SUMF2: variants seen among roughly 807,000 people sequenced by gnomAD.
The protein encoded by SUMF2 is sulfatase modifying factor 2.
SUMF2 carries 45 observed loss-of-function variants against 44.8 expected under a neutral mutation model. The ratio of observed to expected loss-of-function variants is 1.00; its 90% CI spans 0.79 to 1.29. The LOEUF is 1.29. Among genes scored for constraint, SUMF2 ranks in the 50% most tolerant of loss-of-function variants. SUMF2 has a pLI of 0.00. For missense variants in SUMF2, 418 were observed against 389.9 expected (o/e 1.07, Z -0.61); for synonymous variants, 148 against 150.4 (o/e 0.98, Z 0.12).
intron 2 of SUMF2, among the ~76,000 whole-genome samples, chr7:56,070,604 T>C (rs577620168): frequency 4.6e-5 from 7 of 150,830 alleles, no homozygotes; most frequent in African/African-American, 1.7e-4. Flanking sequence ...CACTCCAGCC[T>C]GGGCAACAGA....
chr7:56,083,613 TG>T, downstream of SUMF2: 2 of 1,553,416 alleles, frequency 1.3e-6, no homozygotes, highest in African/African-American at 1.4e-5. Flanking sequence ...CTAAGCCACG[TG>T]GGAGGGAGCG....
At chr7:56,080,990 G>A, downstream of SUMF2, 14 of 1,587,248 alleles carry the variant, frequency 8.8e-6, no homozygotes, top group Non-Finnish European at 1.1e-5. Context: ...TCACCCCTTT[G>A]ACTTGTATTT....
chr7:56,087,270 G>A, the SUMF2 span, among the ~76,000 whole-genome samples: 15 of 151,076 alleles, frequency 9.9e-5, no homozygotes, highest in African/African-American at 3.6e-4. Context: ...CACCCAGGCT[G>A]GAGTGTAATA....
rs1307144762 is a variant in SUMF2, at chr7:56,078,450, G to T, written c.763G>T (p.Ala255Ser). ...GCAGGACATGCGCGTCCTCCGGGGG[G>T]CATCCTGGATCGACACAGCTGATGG... ...AEQDMRVLRG[A>S]SWIDTADGSA... Residue 255 changes from alanine (A) to serine (S), a missense_variant, in exon 8 of 9, where the codon GCA becomes TCA. Coordinates refer to ENST00000434526, the MANE Select transcript of SUMF2 (RefSeq NM_015411.4). The T allele has an allele frequency of 6.2e-7, 1 of 1,607,246 alleles. No individual in the cohort carries two copies. The highest frequency in any genetic ancestry group is 1.1e-5 in the South Asian group (1 of 90,322).
At chr7:56,084,909 TCCCCAAGGGCTATACAGGACAGTGC>T (rs1796190315), downstream of SUMF2, among the ~76,000 whole-genome samples, 1 of 152,122 alleles carries the variant, frequency 6.6e-6, no homozygotes, top group African/African-American at 2.4e-5. Context: ...ATTTGAGCTG[TCCCCAAGGGCTATACAGGACAGTGC>T]CACAGAGCAG....
intron 6 of SUMF2, among the ~76,000 whole-genome samples, chr7:56,077,400 G>A (rs1795635505): frequency 6.8e-6 from 1 of 146,478 alleles, no homozygotes; most frequent in African/African-American, 2.5e-5. Flanking sequence ...AGTGGCTCAC[G>A]CCTGTAATCC....
At chr7:56,082,084 CA>C (rs907065301), downstream of SUMF2, 6 of 1,609,736 alleles carry the variant, frequency 3.7e-6, no homozygotes, top group Middle Eastern at 1.7e-4. Flanking sequence ...TACCCAGCGC[CA>C]GGGGCACCGG....
At chr7:56,067,421 C>G (rs1314401374) in intron 1 of SUMF2, among the ~76,000 whole-genome samples, 1 of 152,072 alleles carries the variant, frequency 6.6e-6, no homozygotes, top group Non-Finnish European at 1.5e-5. Flanking sequence ...CTCAAGCAAT[C>G]CTCCTGCCTT....
At chr7:56,084,185 G>A, downstream of SUMF2, 1 of 1,534,748 alleles carries the variant, frequency 6.5e-7, no homozygotes, top group Non-Finnish European at 8.7e-7. Context: ...GGTGGACTTG[G>A]GAGAGTCCCA....
At chr7:56,074,141 G>A (rs1795373229) in intron 3 of SUMF2, 33 bp from the exon 4 acceptor site, 1 of 1,612,202 alleles carries the variant, frequency 6.2e-7, no homozygotes, top group Non-Finnish European at 8.5e-7. Flanking sequence ...CTGGGCCGGA[G>A]CATCTTGCAG....
the SUMF2 span, chr7:56,087,768 C>T: frequency 1.2e-6 from 2 of 1,611,238 alleles, no homozygotes; most frequent in South Asian, 1.1e-5. Context: ...GACCACACTG[C>T]TAACGCCCCT....
At chr7:56,064,451 C>A (rs1252836776) in intron 1 of SUMF2, 73 bp downstream of exon 1, 1 of 1,505,032 alleles carries the variant, frequency 6.6e-7, no homozygotes, top group African/African-American at 1.4e-5. Flanking sequence ...GGGAGAGAGC[C>A]TTAGGCCCTT....
intron 3 of SUMF2, 125 bp from the exon 4 acceptor site, chr7:56,074,049 C>T: frequency 1.5e-6 from 1 of 666,096 alleles, no homozygotes; most frequent in Admixed American, 2.3e-5. Flanking sequence ...AAAAAATCAG[C>T]CACAACCTCA....
At chr7:56,082,212 C>T (rs372681025), downstream of SUMF2, 10 of 1,613,686 alleles carry the variant, frequency 6.2e-6, no homozygotes, top group East Asian at 2.2e-5. Flanking sequence ...ATGGAGCACT[C>T]GATAATCTCA....
chr7:56,079,442 C>T, intron 8 of SUMF2, 86 bp from the exon 9 acceptor site: 1 of 1,346,134 alleles, frequency 7.4e-7, no homozygotes. Context: ...TCATGGCCGG[C>T]CCTGCGGATG....
chr7:56,083,171 T>C, downstream of SUMF2: 1 of 976,674 alleles, frequency 1.0e-6, no homozygotes, highest in East Asian at 2.6e-5. Context: ...GGAATTTTTA[T>C]TCCAGGGAAC....
At chr7:56,084,144 A>G (rs1042920747), downstream of SUMF2, 39 of 1,498,940 alleles carry the variant, frequency 2.6e-5, no homozygotes, top group African/African-American at 5.3e-4. Context: ...CCCTGTGAGC[A>G]GTACCTTGCC....
chr7:56,066,534 C>G (rs1794812677), intron 1 of SUMF2, among the ~76,000 whole-genome samples: 1 of 151,770 alleles, frequency 6.6e-6, no homozygotes, highest in Non-Finnish European at 1.5e-5. Context: ...GCAACCTCCG[C>G]CCCCCCAGGT....
downstream of SUMF2, chr7:56,083,689 T>A (rs769138362): frequency 8.8e-6 from 14 of 1,584,322 alleles, no homozygotes; most frequent in Admixed American, 2.5e-4. Context: ...CTCAGTGAGG[T>A]AGTCAAAGAG....
Sources: gnomAD v4.1 joint callset for allele counts (sites outside exome capture counted in the v4.1 genomes callset) on GRCh38, gnomAD v4.1.1 for gene constraint, MANE v1.5 for transcripts, NCBI Gene and HGNC (gene_info 2026-07-23, HGNC 2026-07-21) for gene names.